PCDH9: variants seen among roughly 807,000 people sequenced by gnomAD.
PCDH9 encodes protocadherin-9.
Under a neutral mutation model 70.6 loss-of-function variants are expected in PCDH9, and 24 were observed. That is an observed-to-expected ratio of 0.34 (90% CI 0.25 to 0.48). The LOEUF (loss-of-function observed/expected upper bound fraction) is 0.48. PCDH9 is among the 20% of genes least tolerant of loss of function. The probability of loss-of-function intolerance (pLI) is 0.99; values close to 1 mark genes in which losing one functional copy is unlikely to be tolerated. For missense variants in PCDH9, 1,281 were observed against 1,503.6 expected, an observed-to-expected ratio of 0.85 and a Z score of 2.45; for synonymous variants, 562 against 558.5, an observed-to-expected ratio of 1.01 and a Z score of -0.09.
intron 4 of PCDH9, among the ~76,000 whole-genome samples, chr13:66,395,223 T>C (rs1957081866): frequency 6.6e-6 from 1 of 152,230 alleles, no homozygotes; most frequent in Non-Finnish European, 1.5e-5. Flanking sequence ...CAATATGCAA[T>C]TGAGGGATCT....
At chr13:66,992,465 A>G (rs1477156350) in intron 2 of PCDH9, among the ~76,000 whole-genome samples, 1 of 152,140 alleles carries the variant, frequency 6.6e-6, no homozygotes, top group East Asian at 1.9e-4. Context: ...CATCTAAACA[A>G]TGGTCTTCTT....
chr13:66,954,406 ATT>A (rs146498175), intron 2 of PCDH9, among the ~76,000 whole-genome samples: 4,281 of 152,286 alleles, frequency 0.028, 195 homozygotes, highest in African/African-American at 0.096. Flanking sequence ...GTGATTTCAG[ATT>A]TAACCTGGGC....
intron 3 of PCDH9, among the ~76,000 whole-genome samples, chr13:66,677,624 T>C (rs1478596131): frequency 6.6e-6 from 1 of 152,060 alleles, no homozygotes; most frequent in African/African-American, 2.4e-5. Context: ...ATGCTCTTTC[T>C]CTCTACCTCT....
intron 4 of PCDH9, among the ~76,000 whole-genome samples, chr13:66,391,592 A>G (rs1337662448): frequency 1.3e-5 from 2 of 152,160 alleles, no homozygotes; most frequent in East Asian, 1.9e-4. Flanking sequence ...CAAGAAGTCT[A>G]TGCTCATTTC....
At chr13:66,923,788 T>C (rs914136401) in intron 2 of PCDH9, among the ~76,000 whole-genome samples, 1 of 151,750 alleles carries the variant, frequency 6.6e-6, no homozygotes, top group African/African-American at 2.4e-5. Flanking sequence ...ACTGCTTTAT[T>C]AATGAGGATG....
chr13:66,708,403 G>GTTTTTTTTT (rs36087870), intron 3 of PCDH9, among the ~76,000 whole-genome samples: 5 of 136,986 alleles, frequency 3.7e-5, no homozygotes, highest in Non-Finnish European at 7.7e-5. Context: ...TTGAGATTTA[G>GTTTTTTTTT]TTTTTTTTTT....
At chr13:66,843,165 G>C (rs1414625312) in intron 3 of PCDH9, among the ~76,000 whole-genome samples, 1 of 152,152 alleles carries the variant, frequency 6.6e-6, no homozygotes, top group Non-Finnish European at 1.5e-5. Flanking sequence ...CATTAAGAAG[G>C]GGTGCTACTG....
At chr13:66,747,161 C>G (rs2079380240) in intron 3 of PCDH9, among the ~76,000 whole-genome samples, 1 of 152,062 alleles carries the variant, frequency 6.6e-6, no homozygotes, top group African/African-American at 2.4e-5. Context: ...ACCAGTCTGG[C>G]CAACATAGTG....
intron 4 of PCDH9, among the ~76,000 whole-genome samples, chr13:66,594,029 T>G (rs2077071054): frequency 6.6e-6 from 1 of 151,730 alleles, no homozygotes. Context: ...AGTTACTGTT[T>G]TTTAATACAA....
intron 2 of PCDH9, among the ~76,000 whole-genome samples, chr13:67,128,041 A>G (rs560128103): frequency 9.8e-4 from 149 of 152,288 alleles, no homozygotes; most frequent in African/African-American, 3.3e-3. Context: ...TAAGCTCTGC[A>G]GGTGGCAGGT....
At chr13:66,878,910 G>A (rs139210503) in intron 3 of PCDH9, among the ~76,000 whole-genome samples, 58 of 152,202 alleles carry the variant, frequency 3.8e-4, no homozygotes, top group Admixed American at 2.8e-3. Context: ...TCTATTGGGC[G>A]TCCACTAACT....
At chr13:67,079,763 G>A (rs920602339) in intron 2 of PCDH9, among the ~76,000 whole-genome samples, 1 of 152,066 alleles carries the variant, frequency 6.6e-6, no homozygotes, top group Non-Finnish European at 1.5e-5. Flanking sequence ...TTGAAGTCTG[G>A]AAAGAGACAT....
chr13:66,683,251 C>G (rs931880001), intron 3 of PCDH9, among the ~76,000 whole-genome samples: 1 of 152,086 alleles, frequency 6.6e-6, no homozygotes, highest in East Asian at 1.9e-4. Flanking sequence ...TGCCTAGTAC[C>G]AGTTTAGTCC....
chr13:66,467,455 G>A (rs767463777), intron 4 of PCDH9, among the ~76,000 whole-genome samples: 4 of 151,930 alleles, frequency 2.6e-5, no homozygotes, highest in South Asian at 2.1e-4. Context: ...TTTCTTTCTC[G>A]ACTTCATTCT....
chr13:66,690,146 T>C (rs1340119163), intron 3 of PCDH9, among the ~76,000 whole-genome samples: 2 of 152,216 alleles, frequency 1.3e-5, no homozygotes, highest in Non-Finnish European at 2.9e-5. Context: ...TATTCTCTTC[T>C]AAATAAACAC....
chr13:66,340,843 GA>G (rs1255696645), intron 4 of PCDH9, among the ~76,000 whole-genome samples: 3 of 152,066 alleles, frequency 2.0e-5, no homozygotes, highest in African/African-American at 4.8e-5. Flanking sequence ...TGAATTACTA[GA>G]AATTATTGTA....
At chr13:66,709,562 T>C (rs2078764344) in intron 3 of PCDH9, among the ~76,000 whole-genome samples, 1 of 152,152 alleles carries the variant, frequency 6.6e-6, no homozygotes, top group Non-Finnish European at 1.5e-5. Context: ...GATTGATTAG[T>C]GAGTTACCAA....
At chr13:66,794,292 G>A (rs1202515604) in intron 3 of PCDH9, among the ~76,000 whole-genome samples, 2 of 151,992 alleles carry the variant, frequency 1.3e-5, no homozygotes, top group Non-Finnish European at 2.9e-5. Context: ...AGGAAAGAGA[G>A]GGAGGGATAG....
intron 2 of PCDH9, among the ~76,000 whole-genome samples, chr13:67,145,758 C>T (rs973193173): frequency 2.6e-5 from 4 of 151,864 alleles, no homozygotes; most frequent in African/African-American, 9.7e-5. Flanking sequence ...GGTTACTGTA[C>T]TATTTTTTAT....
Sources: gnomAD v4.1 joint callset for allele counts (sites outside exome capture counted in the v4.1 genomes callset) on GRCh38, gnomAD v4.1.1 for gene constraint, MANE v1.5 for transcripts, NCBI Gene and HGNC (gene_info 2026-07-23, HGNC 2026-07-21) for gene names.